Variants in PCDH15 observed in about 807,000 individuals in gnomAD.
PCDH15 encodes protocadherin-15.
PCDH15 carries 129 observed loss-of-function variants against 178.5 expected under a neutral mutation model. The ratio of observed to expected loss-of-function variants is 0.72; its 90% CI spans 0.63 to 0.84. The LOEUF (loss-of-function observed/expected upper bound fraction) is 0.84. Among genes scored for constraint, PCDH15 ranks in the 40% least tolerant of loss-of-function variants. PCDH15 has a pLI of 0.00. For synonymous variants in PCDH15, 800 were observed against 732.0 expected (o/e 1.09, Z -1.50); for missense variants, 2,230 against 2,099.9 (o/e 1.06, Z -1.21).
At chr10:55,070,446 A>T (rs1354082765) in intron 2 of PCDH15, among the ~76,000 whole-genome samples, 1 of 151,946 alleles carries the variant, frequency 6.6e-6, no homozygotes, top group Admixed American at 6.6e-5. Flanking sequence ...ATCTTGAATT[A>T]ATTTTTGTAT....
intron 8 of PCDH15, among the ~76,000 whole-genome samples, chr10:54,290,780 A>G (rs1285040280): frequency 6.6e-6 from 1 of 152,230 alleles, no homozygotes; most frequent in African/African-American, 2.4e-5. Flanking sequence ...AAACCAACAA[A>G]GATCAGAAGA....
intron 3 of PCDH15, among the ~76,000 whole-genome samples, chr10:54,481,530 T>C (rs1390968421): frequency 6.6e-6 from 1 of 151,740 alleles, no homozygotes; most frequent in Admixed American, 6.6e-5. Flanking sequence ...ATGTTTTGCA[T>C]CAAAAATGGC....
chr10:54,967,271 C>A (rs1838815480), intron 2 of PCDH15, among the ~76,000 whole-genome samples: 2 of 152,080 alleles, frequency 1.3e-5, no homozygotes, highest in African/African-American at 2.4e-5. Flanking sequence ...TTACATTATG[C>A]ATAACTGTGT....
At chr10:55,592,446 G>T (rs1842861475) in intron 2 of PCDH15, among the ~76,000 whole-genome samples, 1 of 152,148 alleles carries the variant, frequency 6.6e-6, no homozygotes, top group South Asian at 2.1e-4. Context: ...CAGCCAGGCA[G>T]CTCTGTCCTC....
intron 20 of PCDH15, among the ~76,000 whole-genome samples, chr10:54,008,338 A>G (rs2092453149): frequency 6.6e-6 from 1 of 152,166 alleles, no homozygotes; most frequent in African/African-American, 2.4e-5. Context: ...ACTCTTCTCT[A>G]TCTGAGGAAT....
chr10:55,597,349 C>T (rs1412373670), intron 2 of PCDH15: 1 of 152,012 alleles, frequency 6.6e-6, no homozygotes, highest in Non-Finnish European at 1.5e-5. Context: ...ATCCGAAAAT[C>T]CACCCTCCCT....
chr10:54,641,582 CCACACACACACACA>C (rs57194998), intron 2 of PCDH15, among the ~76,000 whole-genome samples: 2 of 148,776 alleles, frequency 1.3e-5, no homozygotes, highest in South Asian at 4.3e-4. Context: ...TATGCAAACA[CCACACACACACACA>C]CACACACACA....
intron 25 of PCDH15, among the ~76,000 whole-genome samples, chr10:53,912,763 T>G (rs907255193): frequency 6.6e-6 from 1 of 152,136 alleles, no homozygotes. Flanking sequence ...CAAGGAGAAC[T>G]ACAAACCACT....
chr10:54,235,858 GT>G (rs982540142), intron 9 of PCDH15, among the ~76,000 whole-genome samples: 5 of 152,100 alleles, frequency 3.3e-5, no homozygotes, highest in Admixed American at 1.3e-4. Context: ...GTTTATGAAA[GT>G]TTTTTACAAA....
At chr10:55,366,987 A>C (rs974185595) in intron 2 of PCDH15, among the ~76,000 whole-genome samples, 3 of 151,566 alleles carry the variant, frequency 2.0e-5, no homozygotes, top group African/African-American at 7.3e-5. Flanking sequence ...GGAGAGTTAG[A>C]GGTAGGGTGT....
intron 2 of PCDH15, among the ~76,000 whole-genome samples, chr10:54,998,813 C>T (rs1839715480): frequency 6.6e-6 from 1 of 152,080 alleles, no homozygotes; most frequent in Non-Finnish European, 1.5e-5. Flanking sequence ...AAGAAAATTT[C>T]TTAATTGCAT....
chr10:54,474,915 G>C (rs1236671760), intron 3 of PCDH15, among the ~76,000 whole-genome samples: 1 of 151,686 alleles, frequency 6.6e-6, no homozygotes, highest in Non-Finnish European at 1.5e-5. Flanking sequence ...TTCTTAAAAG[G>C]AATAAAAACT....
At chr10:54,744,974 C>T (rs1459225285) in intron 1 of PCDH15, among the ~76,000 whole-genome samples, 1 of 151,776 alleles carries the variant, frequency 6.6e-6, no homozygotes, top group African/African-American at 2.4e-5. Flanking sequence ...TTGCAAAGGC[C>T]CCCCACCAGT....
intron 1 of PCDH15, among the ~76,000 whole-genome samples, chr10:55,177,954 C>T (rs1044069634): frequency 5.9e-4 from 90 of 152,206 alleles, no homozygotes; most frequent in African/African-American, 2.1e-3. Flanking sequence ...CCTCTTTCTT[C>T]GAGCACAAGT....
intron 2 of PCDH15, among the ~76,000 whole-genome samples, chr10:55,532,083 C>T (rs1170116148): frequency 6.6e-6 from 1 of 151,844 alleles, no homozygotes; most frequent in Non-Finnish European, 1.5e-5. Context: ...AACAGTTGTA[C>T]ATAGCTATTT....
At chr10:54,888,453 A>T (rs1435457429) in intron 3 of PCDH15, among the ~76,000 whole-genome samples, 1 of 151,874 alleles carries the variant, frequency 6.6e-6, no homozygotes, top group African/African-American at 2.4e-5. Flanking sequence ...TTCTTGGTGG[A>T]CATTTTGGTT....
At chr10:54,777,210 G>A (rs1470491252) in intron 1 of PCDH15, among the ~76,000 whole-genome samples, 2 of 152,042 alleles carry the variant, frequency 1.3e-5, no homozygotes, top group African/African-American at 2.4e-5. Context: ...TAAGACAATC[G>A]TTGCGCACAT....
intron 2 of PCDH15, among the ~76,000 whole-genome samples, chr10:54,588,515 G>T (rs532593200): frequency 2.1e-4 from 32 of 152,254 alleles, no homozygotes; most frequent in African/African-American, 6.5e-4. Flanking sequence ...GCTGTGTGAA[G>T]ATATGTGAGG....
At chr10:54,114,542 G>A (rs181824985) in intron 15 of PCDH15, among the ~76,000 whole-genome samples, 4 of 152,062 alleles carry the variant, frequency 2.6e-5, no homozygotes, top group East Asian at 1.9e-4. Context: ...ACAAACTCTC[G>A]GTGATTATGG....
Sources: gnomAD v4.1 joint callset for allele counts (sites outside exome capture counted in the v4.1 genomes callset) on GRCh38, gnomAD v4.1.1 for gene constraint, MANE v1.5 for transcripts, NCBI Gene and HGNC (gene_info 2026-07-23, HGNC 2026-07-21) for gene names.